PPP1R12B: variants seen among roughly 807,000 people sequenced by gnomAD.
The protein encoded by PPP1R12B is myosin phosphatase target subunit 2.
Under a neutral mutation model 126.1 loss-of-function variants are expected in PPP1R12B, and 76 were observed. The observed-to-expected ratio is 0.60, with a 90% CI of 0.50 to 0.73. The LOEUF (loss-of-function observed/expected upper bound fraction) is 0.73. Ranked by LOEUF, PPP1R12B falls within the 30% of genes least tolerant of loss-of-function variation. PPP1R12B has a pLI of 0.00. For missense variants in PPP1R12B, 1,052 were observed against 1,205.1 expected (o/e 0.87, Z 1.88); for synonymous variants, 356 against 434.7 (o/e 0.82, Z 2.25).
intron 18 of PPP1R12B, among the ~76,000 whole-genome samples, chr1:202,517,144 A>G (rs1432143331): frequency 6.6e-6 from 1 of 152,238 alleles, no homozygotes; most frequent in Non-Finnish European, 1.5e-5. Flanking sequence ...TGTGGAAAAC[A>G]GCTCTTAAGA....
intron 1 of PPP1R12B, among the ~76,000 whole-genome samples, chr1:202,354,151 C>G (rs1033338124): frequency 1.3e-5 from 2 of 152,122 alleles, no homozygotes; most frequent in African/African-American, 2.4e-5. Context: ...AAAATTCACT[C>G]TTTGTAGTGT....
Position 202,431,608 on chromosome 1 carries a change from A to C in PPP1R12B, c.1130A>C (p.Glu377Ala), listed in dbSNP as rs1413269194. 3 of 1,608,376 alleles carry C rather than the reference A, an allele frequency of 1.9e-6. No homozygotes were observed. The Admixed American group carries it at 5.1e-5, about 27-fold the overall frequency. ...GEDEASESET[E>A]KEADKKPEAF... ...GATGAAGCTTCTGAGTCAGAAACTG[A>C]GAAGGAGGCAGGTAATGCAAAGATG... The change falls in exon 8 of 24, where the codon GAG becomes GCG. Residue 377 changes from glutamate (E) to alanine (A), a missense_variant. Coordinates refer to ENST00000608999, the MANE Select transcript of PPP1R12B (RefSeq NM_002481.4).
intron 1 of PPP1R12B, among the ~76,000 whole-genome samples, chr1:202,355,466 G>A (rs1343830591): frequency 6.6e-6 from 1 of 152,186 alleles, no homozygotes; most frequent in Non-Finnish European, 1.5e-5. Flanking sequence ...TGGTAGAGCA[G>A]CATGGGCGAA....
At chr1:202,567,622 T>C in intron 21 of PPP1R12B, 156 bp from the exon 22 acceptor site, 2 of 688,800 alleles carry the variant, frequency 2.9e-6, no homozygotes, top group Admixed American at 5.8e-5. Context: ...CTTAGAGATC[T>C]ATCAGAACCT....
At chr1:202,530,387 G>A (rs1253216354) in intron 18 of PPP1R12B, among the ~76,000 whole-genome samples, 4 of 151,782 alleles carry the variant, frequency 2.6e-5, no homozygotes, top group Non-Finnish European at 4.4e-5. Flanking sequence ...TAGCCTATGT[G>A]GCCTACAAAA....
chr1:202,421,288 A>AT (rs1668726285), intron 2 of PPP1R12B, among the ~76,000 whole-genome samples: 1 of 149,524 alleles, frequency 6.7e-6, no homozygotes, highest in Non-Finnish European at 1.5e-5. Context: ...CAGTGGCCAT[A>AT]TATTATCTCT....
chr1:202,454,940 C>T (rs1345221112), intron 13 of PPP1R12B, among the ~76,000 whole-genome samples: 1 of 151,996 alleles, frequency 6.6e-6, no homozygotes, highest in Non-Finnish European at 1.5e-5. Context: ...AAAAAGATTT[C>T]CCTTCTCCTG....
intron 1 of PPP1R12B, among the ~76,000 whole-genome samples, chr1:202,349,479 C>T (rs755636337): frequency 6.6e-6 from 1 of 152,180 alleles, no homozygotes; most frequent in East Asian, 1.9e-4. Flanking sequence ...TGCCTGCACA[C>T]CGCGTCACTC....
chr1:202,547,548 A>G (rs1685779869), intron 18 of PPP1R12B, among the ~76,000 whole-genome samples: 2 of 152,238 alleles, frequency 1.3e-5, no homozygotes, highest in South Asian at 4.1e-4. Context: ...TAGGAGTTGT[A>G]CATAAAATTG....
chr1:202,492,823 G>T (rs1679066828), intron 14 of PPP1R12B, among the ~76,000 whole-genome samples: 1 of 152,068 alleles, frequency 6.6e-6, no homozygotes, highest in African/African-American at 2.4e-5. Flanking sequence ...ATTTGGTATG[G>T]AAAAAGTACA....
At chr1:202,531,219 G>A (rs968400980) in intron 18 of PPP1R12B, among the ~76,000 whole-genome samples, 3 of 152,162 alleles carry the variant, frequency 2.0e-5, no homozygotes, top group Admixed American at 6.5e-5. Flanking sequence ...GTAATAAAAC[G>A]TCGCTATAAA....
intron 21 of PPP1R12B, 39 bp downstream of exon 21, chr1:202,564,586 G>A (rs1483762481): frequency 1.3e-6 from 2 of 1,527,506 alleles, no homozygotes; most frequent in Admixed American, 3.4e-5. Context: ...AGAACCAAGG[G>A]TTGATGTAAG....
chr1:202,423,444 G>C (rs1321813128), intron 3 of PPP1R12B, among the ~76,000 whole-genome samples: 1 of 152,042 alleles, frequency 6.6e-6, no homozygotes, highest in East Asian at 1.9e-4. Context: ...TGAACTTTTA[G>C]AACAGTCAGG....
chr1:202,387,903 T>C (rs1286328984), intron 1 of PPP1R12B, among the ~76,000 whole-genome samples: 1 of 152,286 alleles, frequency 6.6e-6, no homozygotes, highest in Middle Eastern at 3.4e-3. Flanking sequence ...ACAGTAAGAA[T>C]ATATGCAAAT....
In PPP1R12B at chr1:202,584,308, C is replaced by CTAG. The variant is rs1322636341; in HGVS notation, c.*3750_*3752dup. On this transcript the variant is annotated 3_prime_UTR_variant, in exon 24 of 24. Coordinates refer to ENST00000608999, the MANE Select transcript of PPP1R12B (RefSeq NM_002481.4). ...ATTCATTTATTGCTATCTGAGGCCA[C>CTAG]TAGTGAGATTTCAGATCTCTCTTTT... 4 of 152,218 alleles carry CTAG rather than the reference C, an allele frequency of 2.6e-5. No individual in the cohort carries two copies. Among genetic ancestry groups the CTAG allele is most frequent in the Non-Finnish European group, 5.9e-5 (4 of 68,034 alleles). The allele number at this position is 152,218 out of a possible 1,614,324, so 9.4% of individuals were successfully genotyped here. A position where few individuals can be genotyped will look rare whatever the true frequency, so the allele number is the denominator to read the frequency against.
chr1:202,500,975 T>C (rs556624563), intron 18 of PPP1R12B, among the ~76,000 whole-genome samples: 1 of 152,284 alleles, frequency 6.6e-6, no homozygotes, highest in East Asian at 1.9e-4. Context: ...TAGTGCATAG[T>C]TTTAGTCTGA....
chr1:202,380,716 T>C (rs1662110583), intron 1 of PPP1R12B, among the ~76,000 whole-genome samples: 2 of 152,224 alleles, frequency 1.3e-5, no homozygotes, highest in African/African-American at 4.8e-5. Flanking sequence ...TGGTAAATTA[T>C]TACTCTGAAC....
intron 1 of PPP1R12B, among the ~76,000 whole-genome samples, chr1:202,382,422 TA>T (rs200012728): frequency 3.4e-4 from 34 of 101,448 alleles, no homozygotes; most frequent in South Asian, 1.1e-3. Context: ...TAAAGTATAA[TA>T]AAAAAAATAT....
At chr1:202,523,505 G>C (rs1682993369) in intron 18 of PPP1R12B, among the ~76,000 whole-genome samples, 1 of 152,116 alleles carries the variant, frequency 6.6e-6, no homozygotes, top group Non-Finnish European at 1.5e-5. Context: ...CTAGCAAGAG[G>C]GTACAGCTAG....
Sources: allele counts gnomAD v4.1 joint callset (sites outside exome capture counted in the v4.1 genomes callset), GRCh38; gene constraint gnomAD v4.1.1; transcripts MANE v1.5; gene names NCBI Gene and HGNC (gene_info 2026-07-23, HGNC 2026-07-21).